The following LOC400499 variants were observed in gnomAD, a reference collection of about 807,000 sequenced individuals.
chr16:11,467,245 GC>G, the LOC400499 span: 2 of 148,834 alleles, frequency 1.3e-5, no homozygotes, highest in Non-Finnish European at 3.0e-5. Flanking sequence ...GAGCCACGGC[GC>G]CCAGCTGCCA....
the LOC400499 span, among the ~76,000 whole-genome samples, chr16:11,380,629 T>G: frequency 6.6e-6 from 1 of 152,206 alleles, no homozygotes; most frequent in Non-Finnish European, 1.5e-5. Flanking sequence ...CTTCAAAAGT[T>G]AATTATAACG....
the LOC400499 span, among the ~76,000 whole-genome samples, chr16:11,490,004 A>G: frequency 2.0e-5 from 3 of 152,204 alleles, no homozygotes; most frequent in South Asian, 6.2e-4. Context: ...AAAATGGGTT[A>G]TAGTACAAAC....
At chr16:11,506,247 AC>A in the LOC400499 span, among the ~76,000 whole-genome samples, 1 of 150,232 alleles carries the variant, frequency 6.7e-6, no homozygotes, top group Non-Finnish European at 1.5e-5. Context: ...CTGGTCTTGA[AC>A]TCCTGACCTC....
the LOC400499 span, among the ~76,000 whole-genome samples, chr16:11,389,881 C>T: frequency 6.6e-6 from 1 of 152,122 alleles, no homozygotes; most frequent in African/African-American, 2.4e-5. Flanking sequence ...AGCCACTGCG[C>T]TCTCTGCAGC....
chr16:11,421,860 T>A, the LOC400499 span, among the ~76,000 whole-genome samples: 2 of 152,242 alleles, frequency 1.3e-5, 1 homozygote, highest in South Asian at 4.1e-4. Flanking sequence ...CAAGCACCAA[T>A]GATTGTAGAA....
the LOC400499 span, chr16:11,399,617 T>C: frequency 2.5e-6 from 1 of 398,714 alleles, no homozygotes; most frequent in Non-Finnish European, 4.4e-6. Flanking sequence ...GGGAAGAGAA[T>C]AGGGTACATG....
At chr16:11,425,916 T>C in the LOC400499 span, among the ~76,000 whole-genome samples, 2 of 151,948 alleles carry the variant, frequency 1.3e-5, no homozygotes, top group African/African-American at 4.8e-5. Flanking sequence ...TACAGCCCAA[T>C]AGAGCTATGA....
chr16:11,382,946 T>C, the LOC400499 span, among the ~76,000 whole-genome samples: 4 of 143,572 alleles, frequency 2.8e-5, no homozygotes, highest in South Asian at 8.5e-4. Context: ...ATAAATGAGA[T>C]AATTGGCTCA....
At chr16:11,459,869 C>T in the LOC400499 span, 9,834 of 1,337,604 alleles carry the variant, frequency 7.4e-3, 50 homozygotes, top group Middle Eastern at 0.014. Context: ...TCATGGGGCA[C>T]GGCTCTGCCG....
chr16:11,384,073 C>T, the LOC400499 span: 2 of 1,231,324 alleles, frequency 1.6e-6, no homozygotes, highest in Non-Finnish European at 1.0e-6. Flanking sequence ...CGTACACTGG[C>T]CTCAGCAGGA....
chr16:11,433,434 T>G, the LOC400499 span, among the ~76,000 whole-genome samples: 1 of 152,192 alleles, frequency 6.6e-6, no homozygotes, highest in Non-Finnish European at 1.5e-5. Context: ...GAGACCCAAT[T>G]TGTACCAGAA....
At chr16:11,483,705 CTT>C in the LOC400499 span, among the ~76,000 whole-genome samples, 1 of 112,004 alleles carries the variant, frequency 8.9e-6, no homozygotes, top group Non-Finnish European at 1.8e-5. Context: ...GTCTGTACAA[CTT>C]TTAAAAAAAA....
At chr16:11,518,654 A>C in the LOC400499 span, among the ~76,000 whole-genome samples, 4 of 152,110 alleles carry the variant, frequency 2.6e-5, no homozygotes, top group African/African-American at 9.7e-5. Context: ...GAGTCACCCA[A>C]GGCTTCTACA....
the LOC400499 span, among the ~76,000 whole-genome samples, chr16:11,459,179 C>T: frequency 6.7e-6 from 1 of 149,976 alleles, no homozygotes; most frequent in Non-Finnish European, 1.5e-5. Flanking sequence ...GAAAAAATAT[C>T]CTAAACCAAT....
chr16:11,496,351 G>C, the LOC400499 span, among the ~76,000 whole-genome samples: 1 of 152,216 alleles, frequency 6.6e-6, no homozygotes, highest in Non-Finnish European at 1.5e-5. Context: ...ACAGGAGTGA[G>C]CCACCACGCC....
At chr16:11,514,747 G>A in the LOC400499 span, among the ~76,000 whole-genome samples, 1 of 152,176 alleles carries the variant, frequency 6.6e-6, no homozygotes, top group Non-Finnish European at 1.5e-5. Context: ...CATCAGCCCA[G>A]GCAAAGGCAC....
At chr16:11,415,193 A>G in the LOC400499 span, among the ~76,000 whole-genome samples, 1 of 152,168 alleles carries the variant, frequency 6.6e-6, no homozygotes, top group East Asian at 1.9e-4. Context: ...CCCCTACAGA[A>G]CAGGAGATTT....
the LOC400499 span, among the ~76,000 whole-genome samples, chr16:11,436,260 T>A: frequency 3.9e-4 from 60 of 152,122 alleles, no homozygotes; most frequent in African/African-American, 1.3e-3. Flanking sequence ...TCTTTGCAAC[T>A]CCTCCACAGA....
At chr16:11,387,009 G>C in the LOC400499 span, 1 of 922,914 alleles carries the variant, frequency 1.1e-6, no homozygotes, top group Admixed American at 4.3e-5. Flanking sequence ...AGTAAGCTCT[G>C]GGCCTGGCAC....
Sources: allele counts gnomAD v4.1 joint callset (sites outside exome capture counted in the v4.1 genomes callset), GRCh38; gene constraint gnomAD v4.1.1; transcripts MANE v1.5.